UNC5B: variants seen among roughly 807,000 people sequenced by gnomAD.
UNC5B encodes the protein unc-5 netrin receptor B.
In UNC5B, 56 loss-of-function variants were observed where a neutral mutation model predicts 103.7. The observed-to-expected ratio is 0.54, with a 90% CI of 0.44 to 0.67. The LOEUF is 0.67. Among genes scored for constraint, UNC5B ranks in the 30% least tolerant of loss-of-function variants. The pLI is 0.00. For missense variants in UNC5B, 1,194 were observed against 1,284.5 expected (o/e 0.93, Z 1.08); for synonymous variants, 577 against 542.0 (o/e 1.06, Z -0.90).
chr10:71,299,448 C>A lies in UNC5B; in HGVS notation c.*171C>A. On this transcript the variant is annotated 3_prime_UTR_variant, in exon 17 of 17. Transcript: ENST00000335350. ...AGACCATGACCAGCCTTAGAAAATC[C>A]ATGTACTCTGTTGTTAGAGGGCCCA... 2.6e-6 allele frequency: 2 copies of A among 758,806 alleles called. No homozygotes were observed. Among genetic ancestry groups the A allele is most frequent in the Non-Finnish European group, 4.2e-6 (2 of 479,776 alleles). 47.0% of individuals were successfully genotyped at this position (758,806 alleles called of 1,614,324 possible).
rs1435844055 is a variant in UNC5B, at chr10:71,298,616, AAAT to A, written c.2673-493_2673-491del. ...AAACCTGCATTGAGTCTCAAAAAAT[AAAT>A]AAATAAAATATGCTTTAGATAAGAC... On this transcript the variant is annotated intron_variant, in intron 16 of 16. Coordinates refer to ENST00000335350, the MANE Select transcript of UNC5B (RefSeq NM_170744.5). Among the ~76,000 whole-genome samples the A allele has an allele frequency of 6.6e-5, 10 of 150,668 alleles. No homozygotes were observed. The East Asian group carries it at 7.7e-4, about 12-fold the overall frequency.
Position 71,291,770 on chromosome 10 carries a change from G to A in UNC5B, c.1633G>A (p.Val545Ile), listed in dbSNP as rs537143367. 72 of 1,608,218 alleles carry A rather than the reference G, an allele frequency of 4.5e-5. No homozygotes were observed. The East Asian group carries it at 4.7e-4, about 10-fold the overall frequency. Residue 545 changes from valine (V) to isoleucine (I), a missense_variant, in exon 10 of 17, where the codon GTC becomes ATC. Transcript: ENST00000335350. ...CCTGCCCCGAGACCCAGGGAGCAGC[G>A]TCAGCGGCACCTTTGGCTGCCTGGG... ...LGLPRDPGSSVSGTFGCLGGR... is the reference protein window; with the variant it reads ...LGLPRDPGSSISGTFGCLGGR...
Position 71,291,314 on chromosome 10 carries a change from C to G in UNC5B, c.1295-118C>G, listed in dbSNP as rs1437377551. The G allele has an allele frequency of 1.8e-5, 26 of 1,476,912 alleles. No individual in the cohort carries two copies. In the Admixed American group the frequency reaches 5.4e-4, roughly 31 times the overall value. 91.5% of individuals were successfully genotyped at this position (1,476,912 alleles called of 1,614,324 possible). On this transcript the variant is annotated intron_variant, in intron 9 of 16. Transcript: ENST00000335350. ...CAGGCTGCGGGATTCCCAAAGCTTC[C>G]TGCAGCTGGCAGCAATTGGGCCTTT...
chr10:71,254,192 G>C (rs1230239976), intron 1 of UNC5B, among the ~76,000 whole-genome samples: 5 of 152,246 alleles, frequency 3.3e-5, no homozygotes, highest in Non-Finnish European at 7.3e-5. Flanking sequence ...AATGTCTGTG[G>C]CTTCCTACCT....
Position 71,298,040 on chromosome 10 carries a change from C to A in UNC5B, c.2622C>A (p.Asn874Lys). The A allele has an allele frequency of 6.2e-7, 1 of 1,613,722 alleles. No individual in the cohort carries two copies. Among genetic ancestry groups the A allele is most frequent in the Non-Finnish European group, 8.5e-7 (1 of 1,179,958 alleles). The change falls in exon 16 of 17, where the codon AAC (asparagine) becomes AAA (lysine). Residue 874 changes from asparagine to lysine, a missense_variant. Transcript: ENST00000335350. The part of the protein sequence containing the change: ...QKICNSLDAP[N>K]SRGNDWRMLA... Reference sequence around the variant, plus strand: ...TATGCAACAGCCTAGATGCCCCCAACTCACGGGGCAATGACTGGCGGATGT... The same window carrying A: ...TATGCAACAGCCTAGATGCCCCCAAATCACGGGGCAATGACTGGCGGATGT...
intron 1 of UNC5B, among the ~76,000 whole-genome samples, chr10:71,255,338 G>A (rs1439569525): frequency 1.3e-5 from 2 of 152,198 alleles, no homozygotes; most frequent in African/African-American, 4.8e-5. Context: ...AGATTGCTTT[G>A]TGGATTTGAT....
intron 1 of UNC5B, among the ~76,000 whole-genome samples, chr10:71,243,106 G>A (rs1169192270): frequency 2.6e-5 from 4 of 152,064 alleles, no homozygotes; most frequent in Non-Finnish European, 4.4e-5. Context: ...ATGGTGGCAC[G>A]CGCCTATAAT....
rs200950781 is a variant in UNC5B, at chr10:71,287,588, C to T, written c.734-10C>T. ...GCCAAGCCATCCAGTTGACAGCTGC[C>T]GCCTTGCAGTGAATGGCGGCTGGTC... On this transcript the variant is annotated splice_polypyrimidine_tract_variant and intron_variant, in intron 5 of 16. Transcript: ENST00000335350. The T allele has an allele frequency of 5.5e-5, 87 of 1,582,860 alleles. No homozygotes were observed. In the East Asian group the frequency reaches 1.2e-3, roughly 22 times the overall value.
chr10:71,249,720 T>C (rs906515225), intron 1 of UNC5B, among the ~76,000 whole-genome samples: 8 of 152,142 alleles, frequency 5.3e-5, no homozygotes, highest in African/African-American at 1.9e-4. Flanking sequence ...CAGTGGGCAG[T>C]GCAGATATCT....
chr10:71,263,368 A>T (rs1844456316), intron 1 of UNC5B, among the ~76,000 whole-genome samples: 1 of 152,194 alleles, frequency 6.6e-6, no homozygotes, highest in Admixed American at 6.5e-5. Context: ...TGAGGAGTCC[A>T]GCAAGTTCTG....
chr10:71,241,106 G>T (rs1843890482), intron 1 of UNC5B, among the ~76,000 whole-genome samples: 1 of 152,192 alleles, frequency 6.6e-6, no homozygotes, highest in Non-Finnish European at 1.5e-5. Flanking sequence ...AGCCTCCTTA[G>T]GCAAGAACTA....
intron 1 of UNC5B, among the ~76,000 whole-genome samples, chr10:71,260,429 C>A (rs1322939615): frequency 6.6e-6 from 1 of 152,220 alleles, no homozygotes; most frequent in Non-Finnish European, 1.5e-5. Context: ...TGCCTTGTTT[C>A]CTAATTAAAG....
At chr10:71,233,235 T>G (rs1843716139) in intron 1 of UNC5B, among the ~76,000 whole-genome samples, 1 of 152,166 alleles carries the variant, frequency 6.6e-6, no homozygotes, top group African/African-American at 2.4e-5. Flanking sequence ...CCTCGGCTTT[T>G]CGTTGCAGGT....
intron 1 of UNC5B, among the ~76,000 whole-genome samples, chr10:71,224,942 T>C (rs1274998554): frequency 2.0e-5 from 3 of 152,226 alleles, no homozygotes; most frequent in African/African-American, 7.2e-5. Context: ...AGCCCATCGC[T>C]GTAAAGCACC....
intron 1 of UNC5B, among the ~76,000 whole-genome samples, chr10:71,226,983 CTT>C (rs34048995): frequency 7.7e-5 from 11 of 142,698 alleles, no homozygotes; most frequent in South Asian, 2.2e-4. Context: ...GACCATTCTT[CTT>C]TTTTTTTTTT....
chr10:71,287,957 T>A (rs1199033831), intron 6 of UNC5B, among the ~76,000 whole-genome samples, 192 bp downstream of exon 6: 1 of 152,160 alleles, frequency 6.6e-6, no homozygotes, highest in Non-Finnish European at 1.5e-5. Context: ...GGGCTGCTGG[T>A]GAGATGGAGG....
intron 1 of UNC5B, among the ~76,000 whole-genome samples, chr10:71,238,626 T>C (rs1322609700): frequency 6.6e-6 from 1 of 152,144 alleles, no homozygotes; most frequent in African/African-American, 2.4e-5. Context: ...GGCTACTTTT[T>C]GTATTTTTAG....
chr10:71,288,684 G>A lies in UNC5B; in HGVS notation c.1018G>A (p.Gly340Arg), dbSNP rs749752678. The change falls in exon 7 of 17, where the codon GGG (glycine) becomes AGG (arginine). Residue 340 changes from glycine to arginine, a missense_variant. Physicochemically the swap from Gly to Arg is moderately radical, Grantham distance 125. Coordinates refer to ENST00000335350, the MANE Select transcript of UNC5B (RefSeq NM_170744.5). ...PPQNGGRDCSGTLLDSKNCTD... is the reference protein window; with the variant it reads ...PPQNGGRDCSRTLLDSKNCTD... Reference sequence around the variant, plus strand: ...CCAGAACGGAGGCCGTGACTGCAGCGGGACGCTGCTCGACTCTAAGAACTG... The same window carrying A: ...CCAGAACGGAGGCCGTGACTGCAGCAGGACGCTGCTCGACTCTAAGAACTG... 8.7e-6 allele frequency: 14 copies of A among 1,613,364 alleles called. No homozygotes were observed. In the South Asian group the frequency reaches 9.9e-5, roughly 11 times the overall value.
chr10:71,214,880 G>T (rs1235037097), intron 1 of UNC5B, among the ~76,000 whole-genome samples: 1 of 152,168 alleles, frequency 6.6e-6, no homozygotes, highest in Non-Finnish European at 1.5e-5. Flanking sequence ...CACGAATGGT[G>T]CCCAGTCAGA....
Sources: gnomAD v4.1 joint callset for allele counts (sites outside exome capture counted in the v4.1 genomes callset) on GRCh38, gnomAD v4.1.1 for gene constraint, MANE v1.5 for transcripts, NCBI Gene and HGNC (gene_info 2026-07-23, HGNC 2026-07-21) for gene names.